Variants in CDYL2 observed in about 807,000 individuals in gnomAD.
The protein encoded by CDYL2 is chromodomain Y like 2, also known as chromodomain Y-like protein 2.
In CDYL2, 23 loss-of-function variants were observed where a neutral mutation model predicts 49.4. That is an observed-to-expected ratio of 0.47 (90% CI 0.34 to 0.66). The LOEUF (loss-of-function observed/expected upper bound fraction) is 0.66. CDYL2 is among the 30% of genes least tolerant of loss of function. The pLI, the probability that CDYL2 is intolerant of heterozygous loss-of-function variation, is 0.01. For synonymous variants in CDYL2, 360 were observed against 268.8 expected, an observed-to-expected ratio of 1.34 and a Z score of -3.32; for missense variants, 678 against 656.4, an observed-to-expected ratio of 1.03 and a Z score of -0.36.
chr16:80,764,364 G>A (rs1906639951), intron 1 of CDYL2, among the ~76,000 whole-genome samples: 1 of 152,132 alleles, frequency 6.6e-6, no homozygotes, highest in African/African-American at 2.4e-5. Flanking sequence ...GGAAAACTGA[G>A]CCATGTGTCT....
At position 80,804,200 on chromosome 16, in the gene CDYL2, G is replaced by C. The variant is rs1321240662; in HGVS notation, c.-27C>G. On this transcript the variant is annotated 5_prime_UTR_variant, in exon 1 of 7. Transcript: ENST00000570137. ...CCAGGCTGCGGAACTTGGCTCGCCGGTGTGCGCGTCTGCTCGCTCGCGCCC... is the reference window on the plus strand; with the variant it reads ...CCAGGCTGCGGAACTTGGCTCGCCGCTGTGCGCGTCTGCTCGCTCGCGCCC... The C allele has an allele frequency of 7.5e-7, 1 of 1,339,580 alleles. No individual in the cohort carries two copies. Among genetic ancestry groups the C allele is most frequent in the Non-Finnish European group, 9.8e-7 (1 of 1,017,812 alleles). The allele number at this position is 1,339,580 out of a possible 1,614,324, so 83.0% of individuals were successfully genotyped here.
chr16:80,690,506 A>G (rs909821233), intron 1 of CDYL2, among the ~76,000 whole-genome samples: 2 of 152,112 alleles, frequency 1.3e-5, no homozygotes, highest in Non-Finnish European at 2.9e-5. Context: ...TTATTTTCTT[A>G]TTTTTTATAT....
chr16:80,662,158 C>T (rs1272794494), intron 2 of CDYL2, among the ~76,000 whole-genome samples: 1 of 152,208 alleles, frequency 6.6e-6, no homozygotes, highest in African/African-American at 2.4e-5. Flanking sequence ...TGATCTCACA[C>T]CTAGATGACT....
intron 2 of CDYL2, among the ~76,000 whole-genome samples, chr16:80,661,340 C>G (rs948271928): frequency 1.3e-5 from 2 of 152,144 alleles, no homozygotes; most frequent in Admixed American, 1.3e-4. Context: ...CACCTGCCCC[C>G]ACAACAGTGT....
Position 80,662,126 on chromosome 16 carries a change from C to T in CDYL2, c.616+22412G>A, listed in dbSNP as rs143167541. The stretch of plus-strand genomic sequence containing the variant: ...TTTGTATTGGCCTCATACGTGAAAA[C>T]ACTTGTTTTCTGCAATCCAGTTGAT... On this transcript the variant is annotated intron_variant, in intron 2 of 6. Transcript: ENST00000570137. 7.1e-3 allele frequency among the ~76,000 whole-genome samples: 1,075 copies of T among 152,298 alleles called. 12 individuals carry two copies. Among genetic ancestry groups the T allele is most frequent in the African/African-American group, 0.024 (1,008 of 41,556 alleles).
At chr16:80,610,911 G>A (rs528738435) in intron 5 of CDYL2, among the ~76,000 whole-genome samples, 1 of 152,108 alleles carries the variant, frequency 6.6e-6, no homozygotes, top group Non-Finnish European at 1.5e-5. Context: ...GCACAACACA[G>A]AAGGCCCAGC....
At chr16:80,674,517 G>T (rs1909662664) in intron 2 of CDYL2, among the ~76,000 whole-genome samples, 1 of 151,862 alleles carries the variant, frequency 6.6e-6, no homozygotes. Flanking sequence ...GTGATTTTTA[G>T]TGTGACTTGC....
At chr16:80,760,925 C>T (rs1490475138) in intron 1 of CDYL2, among the ~76,000 whole-genome samples, 6 of 151,974 alleles carry the variant, frequency 3.9e-5, no homozygotes, top group Admixed American at 6.6e-5. Context: ...AGGGCCGGTG[C>T]GTCTGTGGAT....
chr16:80,800,927 G>C (rs1907907105), intron 1 of CDYL2, among the ~76,000 whole-genome samples: 2 of 152,198 alleles, frequency 1.3e-5, no homozygotes, highest in African/African-American at 4.8e-5. Context: ...CTGGAGCCCA[G>C]TGAATGATTT....
chr16:80,800,910 A>AATT (rs1907906320), intron 1 of CDYL2, among the ~76,000 whole-genome samples: 1 of 152,186 alleles, frequency 6.6e-6, no homozygotes, highest in Admixed American at 6.5e-5. Context: ...GCAAACTCTA[A>AATT]AGTCTACTGG....
rs1356429479 is a variant in CDYL2 at position 80,598,794 on chromosome 16, A to T, written c.*5594T>A. 3 of 152,082 alleles carry T rather than the reference A, an allele frequency of 2.0e-5. No homozygotes were observed. Among genetic ancestry groups the T allele is most frequent in the Non-Finnish European group, 4.4e-5 (3 of 68,000 alleles). The allele number at this position is 152,082 out of a possible 1,614,324, so 9.4% of individuals were successfully genotyped here. Reference sequence around the variant, plus strand: ...TCCCTCTGTATGGCCAGCCAGGGGGAGCATGAGGTTGGTGGAAGTCAGCAG... The same window carrying T: ...TCCCTCTGTATGGCCAGCCAGGGGGTGCATGAGGTTGGTGGAAGTCAGCAG... On this transcript the variant is annotated 3_prime_UTR_variant, in exon 7 of 7. Transcript: ENST00000570137.
Position 80,598,643 on chromosome 16 carries a change from G to A in CDYL2, c.*5745C>T, listed in dbSNP as rs1405530687. The A allele has an allele frequency of 1.3e-5, 2 of 152,226 alleles. No individual in the cohort carries two copies. The highest frequency in any genetic ancestry group is 2.9e-5 in the Non-Finnish European group (2 of 68,052). 9.4% of individuals were successfully genotyped at this position (152,226 alleles called of 1,614,324 possible). A position where few individuals can be genotyped will look rare whatever the true frequency, so the allele number is the denominator to read the frequency against. The stretch of plus-strand genomic sequence containing the variant: ...TCTACACTGGCCAGATAACCTGGAG[G>A]AGTACCAGGCCTCCACTTTTATGAT... On this transcript the variant is annotated 3_prime_UTR_variant, in exon 7 of 7. Coordinates refer to ENST00000570137, the MANE Select transcript of CDYL2 (RefSeq NM_152342.4).
intron 1 of CDYL2, among the ~76,000 whole-genome samples, chr16:80,719,913 A>G (rs1904942292): frequency 6.6e-6 from 1 of 152,198 alleles, no homozygotes; most frequent in Non-Finnish European, 1.5e-5. Context: ...CCCCTGGCAT[A>G]GAGAGGCCAA....
At chr16:80,646,589 G>C (rs145986189) in intron 2 of CDYL2, among the ~76,000 whole-genome samples, 39 of 152,314 alleles carry the variant, frequency 2.6e-4, no homozygotes, top group African/African-American at 9.4e-4. Context: ...AGCTGATCAA[G>C]ACCATCTTGG....
chr16:80,634,768 G>A (rs1907740806), intron 2 of CDYL2, among the ~76,000 whole-genome samples: 1 of 151,964 alleles, frequency 6.6e-6, no homozygotes, highest in South Asian at 2.1e-4. Context: ...TACACAAGGA[G>A]AAATACATCA....
intron 1 of CDYL2, among the ~76,000 whole-genome samples, chr16:80,701,123 G>T (rs571145268): frequency 1.3e-5 from 2 of 152,172 alleles, no homozygotes; most frequent in African/African-American, 4.8e-5. Flanking sequence ...GTATCCATCC[G>T]CATACAACCA....
chr16:80,758,758 G>A (rs1270550219), intron 1 of CDYL2, among the ~76,000 whole-genome samples: 1 of 151,676 alleles, frequency 6.6e-6, no homozygotes, highest in Non-Finnish European at 1.5e-5. Flanking sequence ...TAGCCAGGAT[G>A]GTTTCAATCT....
intron 2 of CDYL2, among the ~76,000 whole-genome samples, chr16:80,633,920 T>C (rs1027337715): frequency 1.3e-5 from 2 of 152,196 alleles, no homozygotes; most frequent in African/African-American, 4.8e-5. Flanking sequence ...TCCAGATGTA[T>C]AACGGTTCCC....
chr16:80,769,542 T>C (rs911261117), intron 1 of CDYL2, among the ~76,000 whole-genome samples: 2 of 152,182 alleles, frequency 1.3e-5, no homozygotes, highest in Non-Finnish European at 2.9e-5. Flanking sequence ...CACTCACTGA[T>C]ATTAGGCTGT....
Sources: gnomAD v4.1 joint callset for allele counts (sites outside exome capture counted in the v4.1 genomes callset) on GRCh38, gnomAD v4.1.1 for gene constraint, MANE v1.5 for transcripts, NCBI Gene and HGNC (gene_info 2026-07-23, HGNC 2026-07-21) for gene names.